KNG1: variants seen among roughly 807,000 people sequenced by gnomAD.
KNG1 encodes the protein kininogen-1.
Under a neutral mutation model 47.8 loss-of-function variants are expected in KNG1, and 23 were observed. The ratio of observed to expected loss-of-function variants is 0.48; its 90% CI spans 0.35 to 0.68. KNG1 has a LOEUF of 0.68. Among genes scored for constraint, KNG1 ranks in the 30% least tolerant of loss-of-function variants. KNG1 has a pLI of 0.01. For synonymous variants in KNG1, 277 were observed against 277.0 expected, an observed-to-expected ratio of 1.00 and a Z score of 0.00; for missense variants, 762 against 790.2, an observed-to-expected ratio of 0.96 and a Z score of 0.43.
chr3:186,732,670 T>C lies in KNG1; in HGVS notation c.926T>C (p.Val309Ala), dbSNP rs746353040. The change falls in exon 7 of 10, where the codon GTA becomes GCA. Residue 309 changes from valine (V) to alanine (A), a missense_variant. Physicochemically the swap from Val to Ala is moderately conservative, Grantham distance 64. Transcript: ENST00000644859. Reference sequence around the variant, plus strand: ...ATTGACAATGTGAAAAAAGCAAGAGTACAGGTGTGTAAACTATACTACAAA... The same window carrying C: ...ATTGACAATGTGAAAAAAGCAAGAGCACAGGTGTGTAAACTATACTACAAA... Reference protein sequence around the residue: ...FKIDNVKKARVQVVAGKKYFI... With the variant: ...FKIDNVKKARAQVVAGKKYFI... 5.6e-6 allele frequency: 9 copies of C among 1,612,178 alleles called. No homozygotes were observed. Among genetic ancestry groups the C allele is most frequent in the South Asian group, 1.1e-5 (1 of 91,046 alleles).
chr3:186,728,478 T>C (rs2108626507), intron 5 of KNG1: 1 of 152,220 alleles, frequency 6.6e-6, no homozygotes, highest in African/African-American at 2.4e-5. Flanking sequence ...AAATTTTTAG[T>C]TTTTAGTGAC....
rs944482762 is a variant in KNG1, at chr3:186,732,541, G to C, written c.797G>C (p.Gly266Ala). 7 of 1,614,018 alleles carry C rather than the reference G, an allele frequency of 4.3e-6. No homozygotes were observed. Among genetic ancestry groups the C allele is most frequent in the Non-Finnish European group, 5.9e-6 (7 of 1,180,030 alleles). ...FVQPPTKICVGCPRDIPTNSP... is the reference protein window; with the variant it reads ...FVQPPTKICVACPRDIPTNSP... ...CAACCACCTACCAAGATTTGCGTGG[G>C]CTGCCCCAGAGATATACCCACCAAC... is the stretch of plus-strand genomic sequence containing the variant. Residue 266 changes from glycine (G) to alanine (A), a missense_variant, in exon 7 of 10, where the codon GGC becomes GCC. Physicochemically the swap from Gly to Ala is moderately conservative, Grantham distance 60. Transcript: ENST00000644859.
At chr3:186,726,130 C>G (rs897025671) in intron 4 of KNG1, among the ~76,000 whole-genome samples, 2 of 151,896 alleles carry the variant, frequency 1.3e-5, no homozygotes, top group Non-Finnish European at 2.9e-5. Flanking sequence ...GAGGTTTCAC[C>G]ATGGTGGCCA....
chr3:186,735,240 C>T (rs1039542095), intron 7 of KNG1, among the ~76,000 whole-genome samples: 2 of 152,104 alleles, frequency 1.3e-5, no homozygotes, highest in Admixed American at 1.3e-4. Flanking sequence ...GATCCCAGTA[C>T]TTTGGGAGGC....
chr3:186,724,604 T>C (rs1472471944), intron 3 of KNG1, among the ~76,000 whole-genome samples: 1 of 152,194 alleles, frequency 6.6e-6, no homozygotes, highest in Non-Finnish European at 1.5e-5. Context: ...TGGGATTACT[T>C]GGTTTTTTTA....
chr3:186,727,049 A>T (rs965802042), intron 4 of KNG1, among the ~76,000 whole-genome samples, 188 bp from the exon 5 acceptor site: 4 of 136,048 alleles, frequency 2.9e-5, no homozygotes, highest in Non-Finnish European at 6.6e-5. Flanking sequence ...TGTTTGTGTG[A>T]GAGATATGAG....
chr3:186,731,693 C>A, intron 6 of KNG1, 64 bp downstream of exon 6: 2 of 1,075,000 alleles, frequency 1.9e-6, no homozygotes, highest in South Asian at 1.3e-5. Context: ...CTGGCTGAGT[C>A]TTTTCCTATA....
At chr3:186,722,358 A>C (rs5030100) in intron 2 of KNG1, 79 bp from the exon 3 acceptor site, 27,234 of 1,166,278 alleles carry the variant, frequency 0.023, 401 homozygotes, top group Non-Finnish European at 0.028. Context: ...TTTTAAGGAA[A>C]GCCACATTTA....
chr3:186,732,423 G>A, intron 6 of KNG1, 79 bp from the exon 7 acceptor site: 1 of 1,358,126 alleles, frequency 7.4e-7, no homozygotes, highest in Non-Finnish European at 1.1e-6. Flanking sequence ...ACATGTGGAT[G>A]CTGGTTCTTG....
Position 186,742,895 on chromosome 3 carries a change from GA to G in KNG1, c.*573del, listed in dbSNP as rs1330744577. 42 of 961,790 alleles carry G rather than the reference GA, an allele frequency of 4.4e-5. No homozygotes were observed. The East Asian group carries it at 4.7e-4, about 11-fold the overall frequency. 59.6% of individuals were successfully genotyped at this position (961,790 alleles called of 1,614,324 possible). On this transcript the variant is annotated 3_prime_UTR_variant, in exon 10 of 10. Coordinates refer to ENST00000644859, the MANE Select transcript of KNG1 (RefSeq NM_001102416.3). ...AGCAAGATTCTGTCTCAGAAAAAAA[GA>G]AAAAAAAAGAAATAATAAGAAAAAC...
In KNG1 at chr3:186,734,238, G is replaced by A. The variant is rs1180122148; in HGVS notation, c.930+1564G>A. On this transcript the variant is annotated intron_variant, in intron 7 of 9. Transcript: ENST00000644859. ...GTCTTTATATACAATGATATTCACT[G>A]CAGTTTTAAGTATAACAGCAAAAAT... Among the ~76,000 whole-genome samples, 4 of 152,296 alleles carry A rather than the reference G, an allele frequency of 2.6e-5. No homozygotes were observed. The Middle Eastern group carries it at 0.01, about 391-fold the overall frequency.
intron 2 of KNG1, 110 bp downstream of exon 2, chr3:186,720,325 A>T: frequency 1.3e-6 from 1 of 741,558 alleles, no homozygotes; most frequent in South Asian, 1.5e-5. Context: ...TGAGAAATGC[A>T]AATAAACATT....
chr3:186,718,872 G>C (rs1720105010), intron 1 of KNG1, among the ~76,000 whole-genome samples: 1 of 152,328 alleles, frequency 6.6e-6, no homozygotes, highest in African/African-American at 2.4e-5. Context: ...ATGCACTCCA[G>C]CAGGAGACAA....
Position 186,743,923 on chromosome 3 carries a change from A to G in KNG1, c.*1592A>G. 1.4e-6 allele frequency: 1 copy of G among 721,782 alleles called. No homozygotes were observed. Among genetic ancestry groups the G allele is most frequent in the Admixed American group, 2.0e-5 (1 of 49,736 alleles). 44.7% of individuals were successfully genotyped at this position (721,782 alleles called of 1,614,324 possible). A position where few individuals can be genotyped will look rare whatever the true frequency, so the allele number is the denominator to read the frequency against. ...ATTTTATCACTCTGCCTCTGGGTGAAATAAAGATCAGTCTTGATGTTCTAA... is the reference window on the plus strand; with the variant it reads ...ATTTTATCACTCTGCCTCTGGGTGAGATAAAGATCAGTCTTGATGTTCTAA... On this transcript the variant is annotated 3_prime_UTR_variant, in exon 10 of 10. Transcript: ENST00000644859.
Position 186,727,283 on chromosome 3 carries a change from C to T in KNG1, c.611C>T (p.Thr204Met), listed in dbSNP as rs578243837. The change falls in exon 5 of 10, where the codon ACG (threonine) becomes ATG (methionine). Residue 204 changes from threonine to methionine, a missense_variant. Thr to Met is a moderately conservative substitution (Grantham distance 81). Coordinates refer to ENST00000644859, the MANE Select transcript of KNG1 (RefSeq NM_001102416.3). ...NFRITYSIVQ[T>M]NCSKENFLFL... ...CGAATTACCTACTCAATTGTGCAAA[C>T]GAATTGTTCCAAAGAGAATTTTCTG... 31 of 1,613,854 alleles carry T rather than the reference C, an allele frequency of 1.9e-5. No individual in the cohort carries two copies. Among genetic ancestry groups the T allele is most frequent in the East Asian group, 1.3e-4 (6 of 44,860 alleles).
intron 6 of KNG1, 91 bp from the exon 7 acceptor site, chr3:186,732,411 A>C (rs769665498): frequency 1.1e-5 from 13 of 1,234,614 alleles, no homozygotes; most frequent in Admixed American, 6.8e-5. Context: ...GTAGCCCCTT[A>C]TACATGTGGA....
intron 4 of KNG1, among the ~76,000 whole-genome samples, chr3:186,726,450 C>T (rs971451221): frequency 1.3e-5 from 2 of 151,702 alleles, no homozygotes; most frequent in African/African-American, 4.8e-5. Context: ...CCACCACGCC[C>T]GGCTAATTTT....
At chr3:186,727,668 T>C (rs1720411074) in intron 5 of KNG1, among the ~76,000 whole-genome samples, 2 of 152,134 alleles carry the variant, frequency 1.3e-5, no homozygotes, top group African/African-American at 4.8e-5. Context: ...ACCTCGCATG[T>C]TCAAGCTATT....
Position 186,720,465 on chromosome 3 carries a change from A to G in KNG1, c.306+250A>G, listed in dbSNP as rs1384359712. On this transcript the variant is annotated intron_variant, in intron 2 of 9. Coordinates refer to ENST00000644859, the MANE Select transcript of KNG1 (RefSeq NM_001102416.3). ...GGGGGCTCTAGTGTCCAGCCAGAAC[A>G]TGTGGCTCAGACTCCAGAGAGATAA... 6 of 399,376 alleles carry G rather than the reference A, an allele frequency of 1.5e-5. No individual in the cohort carries two copies. In the East Asian group the frequency reaches 3.3e-4, roughly 22 times the overall value. The allele number at this position is 399,376 out of a possible 1,614,324, so 24.7% of individuals were successfully genotyped here.
Sources: gnomAD v4.1 joint callset for allele counts (sites outside exome capture counted in the v4.1 genomes callset) on GRCh38, gnomAD v4.1.1 for gene constraint, MANE v1.5 for transcripts, NCBI Gene and HGNC (gene_info 2026-07-23, HGNC 2026-07-21) for gene names.